Variants in POU2F2 observed in about 807,000 individuals in gnomAD.
POU2F2 encodes the protein POU class 2 homeobox 2.
Under a neutral mutation model 63.5 loss-of-function variants are expected in POU2F2, and 14 were observed. That is an observed-to-expected ratio of 0.22 (90% CI 0.15 to 0.34). The LOEUF is 0.34. Ranked by LOEUF, POU2F2 falls within the 10% of genes least tolerant of loss-of-function variation. The pLI, the probability that POU2F2 is intolerant of heterozygous loss-of-function variation, is 1.00. For missense variants in POU2F2, 607 were observed against 815.2 expected (o/e 0.74, Z 3.11); for synonymous variants, 306 against 348.6 (o/e 0.88, Z 1.36).
chr19:42,171,193 G>A (rs2034757735), intron 1 of POU2F2, among the ~76,000 whole-genome samples: 1 of 152,244 alleles, frequency 6.6e-6, no homozygotes, highest in Non-Finnish European at 1.5e-5. Context: ...CAGTAGTTCT[G>A]GTGGATTGTG....
intron 1 of POU2F2, among the ~76,000 whole-genome samples, chr19:42,122,810 TCTCCAGAAAGTAACACAGGGGTGTTACC>T (rs1397003855): frequency 6.6e-6 from 1 of 151,928 alleles, no homozygotes; most frequent in Non-Finnish European, 1.5e-5. Context: ...TCCTTTCACC[TCTCCAGAAAGTAACACAGGGGTGTTACC>T]CACAGTGCAG....
chr19:42,124,984 T>A (rs2033057422), intron 1 of POU2F2, among the ~76,000 whole-genome samples: 2 of 152,200 alleles, frequency 1.3e-5, no homozygotes, highest in African/African-American at 4.8e-5. Context: ...GGTCCTTACA[T>A]AAGCAAAAAT....
chr19:42,097,171 C>G (rs556106115), intron 7 of POU2F2, among the ~76,000 whole-genome samples: 3 of 148,652 alleles, frequency 2.0e-5, no homozygotes, highest in Admixed American at 1.4e-4. Flanking sequence ...AATGCTGGGG[C>G]AGATGTTTAG....
intron 1 of POU2F2, among the ~76,000 whole-genome samples, chr19:42,189,132 T>C (rs2035049376): frequency 1.3e-5 from 2 of 152,182 alleles, no homozygotes; most frequent in Admixed American, 6.5e-5. Context: ...AAATGCAAGG[T>C]GAAGGCCGGG....
At chr19:42,197,557 A>T (rs2035165567), upstream of POU2F2, among the ~76,000 whole-genome samples, 2 of 151,972 alleles carry the variant, frequency 1.3e-5, no homozygotes, top group Non-Finnish European at 2.9e-5. Context: ...CTGCCACCCT[A>T]CCCCCACTCC....
intron 1 of POU2F2, among the ~76,000 whole-genome samples, chr19:42,183,034 T>C (rs1320343841): frequency 6.6e-6 from 1 of 152,140 alleles, no homozygotes; most frequent in African/African-American, 2.4e-5. Flanking sequence ...TGGAGTGGGA[T>C]GAAAAGGCCA....
upstream of POU2F2, among the ~76,000 whole-genome samples, chr19:42,197,609 A>C (rs2035166434): frequency 6.6e-6 from 1 of 152,168 alleles, no homozygotes; most frequent in East Asian, 1.9e-4. Context: ...GAGTAAGAGA[A>C]ACGAGTTCCT....
chr19:42,149,502 A>T (rs147753009), intron 2 of POU2F2, among the ~76,000 whole-genome samples: 1 of 152,244 alleles, frequency 6.6e-6, no homozygotes, highest in East Asian at 1.9e-4. Flanking sequence ...GGCAGAGAAA[A>T]GAGGGGTGTA....
At chr19:42,168,974 T>C (rs979362217) in intron 1 of POU2F2, among the ~76,000 whole-genome samples, 1 of 152,218 alleles carries the variant, frequency 6.6e-6, no homozygotes, top group African/African-American at 2.4e-5. Context: ...GTGCCAGTCC[T>C]GTTGGCTTGG....
intron 1 of POU2F2, among the ~76,000 whole-genome samples, chr19:42,125,539 A>G (rs910353941): frequency 6.6e-6 from 1 of 152,032 alleles, no homozygotes; most frequent in South Asian, 2.1e-4. Context: ...CTGACTTTGG[A>G]GCAGTAAAGG....
intron 1 of POU2F2, among the ~76,000 whole-genome samples, chr19:42,187,941 G>A (rs1165180894): frequency 6.6e-6 from 1 of 151,892 alleles, no homozygotes; most frequent in African/African-American, 2.4e-5. Context: ...CTCGTGTGGT[G>A]CCCTCTGCTT....
chr19:42,096,226 C>T lies in POU2F2; in HGVS notation c.585G>A (p.Thr195=). 1 of 1,458,758 alleles carries T rather than the reference C, an allele frequency of 6.9e-7. No homozygotes were observed. 90.4% of individuals were successfully genotyped at this position (1,458,758 alleles called of 1,614,324 possible). Residue 195 remains threonine (T), a synonymous_variant, in exon 8 of 15, where the codon ACG becomes ACA. Coordinates refer to ENST00000692977, the MANE Select transcript of POU2F2 (RefSeq NM_001394376.1). This position sits in a 1 kb window ranked among gnomAD's most constrained non-coding sequence, Gnocchi z 4.1. Reference sequence around the variant, plus strand: ...GGTGCGAGAGGTGCGGGTCGGGCAGCGTAGGGCGGGTCACGGCCTGGTGGG... The same window carrying T: ...GGTGCGAGAGGTGCGGGTCGGGCAGTGTAGGGCGGGTCACGGCCTGGTGGG... The part of the protein sequence containing the change: ...GLPTQAVTRP[T]LPDPHLSHPQ...
chr19:42,188,530 G>A (rs916825670), intron 1 of POU2F2, among the ~76,000 whole-genome samples: 1 of 151,730 alleles, frequency 6.6e-6, no homozygotes, highest in Non-Finnish European at 1.5e-5. Flanking sequence ...AATTAGCCGG[G>A]CGTGGTGGCA....
At chr19:42,100,472 C>T (rs1326603536) in intron 5 of POU2F2, among the ~76,000 whole-genome samples, 1 of 151,986 alleles carries the variant, frequency 6.6e-6, no homozygotes, top group African/African-American at 2.4e-5. Context: ...TAAGCCAGGC[C>T]GGGTGTGGTG....
upstream of POU2F2, among the ~76,000 whole-genome samples, chr19:42,135,959 C>T (rs554829063): frequency 6.6e-6 from 1 of 152,266 alleles, no homozygotes; most frequent in East Asian, 1.9e-4. Context: ...GATCCACACA[C>T]CTCAGCCTCC....
chr19:42,190,587 C>A (rs2035065026), intron 1 of POU2F2, among the ~76,000 whole-genome samples: 2 of 152,050 alleles, frequency 1.3e-5, no homozygotes, highest in Admixed American at 6.6e-5. Flanking sequence ...GGCACGATGG[C>A]TCACACCTGT....
Position 42,132,429 on chromosome 19 carries a change from G to C in POU2F2, c.-18C>G, listed in dbSNP as rs990289586. The C allele has an allele frequency of 1.6e-5, 23 of 1,481,612 alleles. No individual in the cohort carries two copies. The highest frequency in any genetic ancestry group is 4.4e-5 in the African/African-American group (3 of 67,700). The allele number at this position is 1,481,612 out of a possible 1,614,324, so 91.8% of individuals were successfully genotyped here. A position where few individuals can be genotyped will look rare whatever the true frequency, so the allele number is the denominator to read the frequency against. On this transcript the variant is annotated 5_prime_UTR_variant, in exon 1 of 15. Coordinates refer to ENST00000692977, the MANE Select transcript of POU2F2 (RefSeq NM_001394376.1). ...TGAACCATGCTGCCCGCCCCGCCAG[G>C]GCTGGGGGAACAACTGTGTCATCTC...
rs1330574497 is a variant in POU2F2 at position 42,095,506 on chromosome 19, C to A, written c.1020+39G>T. On this transcript the variant is annotated intron_variant, in intron 10 of 14. Coordinates refer to ENST00000692977, the MANE Select transcript of POU2F2 (RefSeq NM_001394376.1). This position sits in a 1 kb window ranked among gnomAD's most constrained non-coding sequence, Gnocchi z 7.1. ...TTAGCCCGAGGCCCACCGCCCGCCACCCCTCAGGTGAGGGCCACCCAGGAG... is the reference window on the plus strand; with the variant it reads ...TTAGCCCGAGGCCCACCGCCCGCCAACCCTCAGGTGAGGGCCACCCAGGAG... 2 of 1,604,122 alleles carry A rather than the reference C, an allele frequency of 1.2e-6. No homozygotes were observed. The highest frequency in any genetic ancestry group is 8.5e-7 in the Non-Finnish European group (1 of 1,175,402).
intron 2 of POU2F2, among the ~76,000 whole-genome samples, chr19:42,137,637 G>A (rs1258980509): frequency 6.6e-6 from 1 of 152,058 alleles, no homozygotes; most frequent in African/African-American, 2.4e-5. Flanking sequence ...GAGGCGGGAA[G>A]ATTGCTTGAG....
Sources: allele counts gnomAD v4.1 joint callset (sites outside exome capture counted in the v4.1 genomes callset), GRCh38; gene constraint gnomAD v4.1.1; non-coding constraint Gnocchi (gnomAD v3.1); transcripts MANE v1.5; gene names NCBI Gene and HGNC (gene_info 2026-07-23, HGNC 2026-07-21).